The following TSC1 variants were observed in gnomAD, a reference collection of about 807,000 sequenced individuals.
The protein encoded by TSC1 is hamartin.
Under a neutral mutation model 124.3 loss-of-function variants are expected in TSC1, and 20 were observed. That is an observed-to-expected ratio of 0.16 (90% CI 0.11 to 0.23). The LOEUF (loss-of-function observed/expected upper bound fraction) is 0.23, where lower values mean the gene tolerates loss of function less well. TSC1 is among the 10% of genes least tolerant of loss of function. The pLI, the probability that TSC1 is intolerant of heterozygous loss-of-function variation, is 1.00. For synonymous variants in TSC1, 493 were observed against 539.1 expected (o/e 0.91, Z 1.19); for missense variants, 1,124 against 1,448.5 (o/e 0.78, Z 3.64).
At chr9:132,912,721 T>C in intron 8 of TSC1, 2 of 472,054 alleles carry the variant, frequency 4.2e-6, no homozygotes, top group Non-Finnish European at 7.7e-6. Flanking sequence ...AGGTGTAGCC[T>C]CAAAATGGAA....
In TSC1 at chr9:132,903,788, G is replaced by C. The variant is rs1554815343; in HGVS notation, c.2071C>G (p.Leu691Val). The C allele has an allele frequency of 1.2e-6, 2 of 1,614,036 alleles. No individual in the cohort carries two copies. The highest frequency in any genetic ancestry group is 1.1e-5 in the South Asian group (1 of 91,068). Reference sequence around the variant, plus strand: ...TGCAGTAAAAGCAACTGGTCTCGGAGGGTGCGGATCTCATCTGAAGGAGGA... The same window carrying C: ...TGCAGTAAAAGCAACTGGTCTCGGACGGTGCGGATCTCATCTGAAGGAGGA... ...GSPPSDEIRT[L>V]RDQLLLLHNQ... Residue 691 changes from leucine to valine, a missense_variant, in exon 17 of 23, where the codon CTC becomes GTC. Around this residue, in one of 5 missense-constraint regions of TSC1, gnomAD observed 321 missense variants for 397.4 expected, o/e 0.81. Coordinates refer to ENST00000298552, the MANE Select transcript of TSC1 (RefSeq NM_000368.5). The surrounding 1 kb of genome is among the most constrained non-coding windows in gnomAD (Gnocchi z 5.9).
At chr9:132,941,966 T>C (rs1847759718) in intron 1 of TSC1, 1 of 152,188 alleles carries the variant, frequency 6.6e-6, no homozygotes. Flanking sequence ...GCTATCTGAC[T>C]CTCTAGAAAA....
In TSC1 at chr9:132,902,559, C is replaced by G. The variant is rs2131726239; in HGVS notation, c.2391+46G>C. On this transcript the variant is annotated intron_variant, in intron 18 of 22. Coordinates refer to ENST00000298552, the MANE Select transcript of TSC1 (RefSeq NM_000368.5). This position sits in a 1 kb window ranked among gnomAD's most constrained non-coding sequence, Gnocchi z 5.2. Reference sequence around the variant, plus strand: ...ACTGACTGCCTCCCTCCCCACTGCTCTCCGGCATTCTCGCAGTTGGCTTTG... The same window carrying G: ...ACTGACTGCCTCCCTCCCCACTGCTGTCCGGCATTCTCGCAGTTGGCTTTG... 6.2e-7 allele frequency: 1 copy of G among 1,611,272 alleles called. No homozygotes were observed. The highest frequency in any genetic ancestry group is 8.5e-7 in the Non-Finnish European group (1 of 1,178,628).
intron 1 of TSC1, among the ~76,000 whole-genome samples, chr9:132,944,203 A>T (rs1588393067): frequency 1.3e-5 from 2 of 150,838 alleles, no homozygotes; most frequent in Non-Finnish European, 3.0e-5. Context: ...TGAACCTGTC[A>T]CCCCACCAAG....
rs777361506 is a variant in TSC1 at position 132,896,579 on chromosome 9, GT to G, written c.3150del (p.Lys1050AsnfsTer41). The G allele has an allele frequency of 6.2e-7, 1 of 1,614,042 alleles. No homozygotes were observed. The highest frequency in any genetic ancestry group is 8.5e-7 in the Non-Finnish European group (1 of 1,179,936). The stretch of plus-strand genomic sequence containing the variant: ...AATGGGCCTGCCCTCTGGTGTGGGG[GT>G]TTCTCTGGGGTAGAAAGCTCGCTGC... ...SSSSELSTPE[K>X]PPHQRAGPFS... On this transcript the variant is annotated frameshift_variant, in exon 23 of 23. Transcript: ENST00000298552. LOFTEE classifies it high-confidence loss of function. The surrounding 1 kb of genome is among the most constrained non-coding windows in gnomAD (Gnocchi z 4.5).
At position 132,896,030 on chromosome 9, in the gene TSC1, C is replaced by A; in HGVS notation, c.*205G>T. 1.5e-6 allele frequency: 1 copy of A among 679,750 alleles called. No homozygotes were observed. Among genetic ancestry groups the A allele is most frequent in the Admixed American group, 2.2e-5 (1 of 44,826 alleles). 42.1% of individuals were successfully genotyped at this position (679,750 alleles called of 1,614,324 possible). A position where few individuals can be genotyped will look rare whatever the true frequency, so the allele number is the denominator to read the frequency against. On this transcript the variant is annotated 3_prime_UTR_variant, in exon 23 of 23. Transcript: ENST00000298552. This position sits in a 1 kb window ranked among gnomAD's most constrained non-coding sequence, Gnocchi z 4.5. ...CGAGGTAAATGAGAGGGGGTTAGGG[C>A]GGGTGGAGGGGAAGGTCAAGAGGCA...
intron 12 of TSC1, among the ~76,000 whole-genome samples, chr9:132,909,056 C>A (rs1845814221): frequency 6.6e-6 from 1 of 151,978 alleles, no homozygotes; most frequent in African/African-American, 2.4e-5. Context: ...AGGTGCCTGC[C>A]ACCATACCCG....
At chr9:132,926,989 A>G in intron 4 of TSC1, 1 of 555,860 alleles carries the variant, frequency 1.8e-6, no homozygotes, top group South Asian at 1.9e-5. Context: ...GATCTTTAAC[A>G]GTCTCTGAAA....
chr9:132,906,203 GT>G lies in TSC1; in HGVS notation c.1439-65del. ...TATTCCACCTGGGAAAGACTAGGCA[GT>G]TTGGGTGGCATGCTGCCACATGCCA... is the stretch of plus-strand genomic sequence containing the variant. On this transcript the variant is annotated intron_variant, in intron 14 of 22. Coordinates refer to ENST00000298552, the MANE Select transcript of TSC1 (RefSeq NM_000368.5). The surrounding 1 kb of genome is among the most constrained non-coding windows in gnomAD (Gnocchi z 4.1). 3 of 1,550,902 alleles carry G rather than the reference GT, an allele frequency of 1.9e-6. No homozygotes were observed. Among genetic ancestry groups the G allele is most frequent in the Non-Finnish European group, 2.6e-6 (3 of 1,139,354 alleles).
upstream of TSC1, chr9:132,944,967 G>A (rs577674970): frequency 1.9e-3 from 383 of 196,604 alleles, 2 homozygotes; most frequent in African/African-American, 8.3e-3. Context: ...CTGGCGGGCG[G>A]GGGGACGCGG....
In TSC1 at chr9:132,891,858, G is replaced by GT; in HGVS notation, c.*4376dup. 1 of 233,648 alleles carries GT rather than the reference G, an allele frequency of 4.3e-6. No homozygotes were observed. The allele number at this position is 233,648 out of a possible 1,614,324, so 14.5% of individuals were successfully genotyped here. The stretch of plus-strand genomic sequence containing the variant: ...CACCATACCCTCCTGTCCAAACACT[G>GT]TAAGAGGTGGGGAAAGGGAGGGAAG... On this transcript the variant is annotated 3_prime_UTR_variant, in exon 23 of 23. Transcript: ENST00000298552.
Position 132,906,493 on chromosome 9 carries a change from G to A in TSC1, c.1438+238C>T, listed in dbSNP as rs2131856831. The A allele has an allele frequency of 3.7e-6, 2 of 534,142 alleles. No homozygotes were observed. Among genetic ancestry groups the A allele is most frequent in the Non-Finnish European group, 6.7e-6 (2 of 300,074 alleles). The allele number at this position is 534,142 out of a possible 1,614,324, so 33.1% of individuals were successfully genotyped here. A position where few individuals can be genotyped will look rare whatever the true frequency, so the allele number is the denominator to read the frequency against. On this transcript the variant is annotated intron_variant, in intron 14 of 22. Coordinates refer to ENST00000298552, the MANE Select transcript of TSC1 (RefSeq NM_000368.5). This position sits in a 1 kb window ranked among gnomAD's most constrained non-coding sequence, Gnocchi z 4.1. ...GAGCCTGGGAGGTCAAGGCTGCAGTGAGCCATGATCGTACCACTGCACTCC... is the reference window on the plus strand; with the variant it reads ...GAGCCTGGGAGGTCAAGGCTGCAGTAAGCCATGATCGTACCACTGCACTCC...
intron 1 of TSC1, among the ~76,000 whole-genome samples, chr9:132,939,718 G>C (rs1847640172): frequency 6.6e-6 from 1 of 152,216 alleles, no homozygotes; most frequent in Non-Finnish European, 1.5e-5. Flanking sequence ...CAAGCAAACT[G>C]TGAGATATCT....
chr9:132,907,410 T>C (rs369205745), intron 12 of TSC1, 40 bp from the exon 13 acceptor site: 10 of 1,500,744 alleles, frequency 6.7e-6, no homozygotes, highest in Non-Finnish European at 9.3e-6. Context: ...AGACGAAAAA[T>C]GTTGCACATG....
chr9:132,912,741 A>G (rs1198858626), intron 8 of TSC1: 2 of 433,810 alleles, frequency 4.6e-6, no homozygotes, highest in South Asian at 2.1e-5. Context: ...AAAATGAAAC[A>G]TAAGCTATGC....
At chr9:132,918,611 T>C (rs978095410) in intron 8 of TSC1, among the ~76,000 whole-genome samples, 3 of 152,182 alleles carry the variant, frequency 2.0e-5, no homozygotes, top group African/African-American at 7.2e-5. Flanking sequence ...AGCATATACA[T>C]TCTGAATGCC....
Position 132,912,325 on chromosome 9 carries a change from G to C in TSC1, c.870C>G (p.Ala290=), listed in dbSNP as rs779155575. 3 of 1,614,114 alleles carry C rather than the reference G, an allele frequency of 1.9e-6. 1 individual carries two copies. The highest frequency in any genetic ancestry group is 1.7e-5 in the Admixed American group (1 of 60,012). The change falls in exon 9 of 23, where the codon GCC becomes GCG. Residue 290 remains alanine (A), a synonymous_variant. Transcript: ENST00000298552. ...CAGCATAAGGGCTGGTGGTGACATCGGCTGAACGATGAGGAAAGCGGGCTG... is the reference window on the plus strand; with the variant it reads ...CAGCATAAGGGCTGGTGGTGACATCCGCTGAACGATGAGGAAAGCGGGCTG... The part of the protein sequence containing the change: ...QISARFPHRS[A]DVTTSPYADT...
intron 8 of TSC1, among the ~76,000 whole-genome samples, chr9:132,918,485 T>G (rs1804952495): frequency 6.6e-6 from 1 of 152,188 alleles, no homozygotes; most frequent in South Asian, 2.1e-4. Flanking sequence ...AACAGCTCTT[T>G]TCTCACCAGA....
At chr9:132,918,821 C>A (rs547871343) in intron 8 of TSC1, among the ~76,000 whole-genome samples, 2 of 152,300 alleles carry the variant, frequency 1.3e-5, no homozygotes, top group East Asian at 3.9e-4. Flanking sequence ...CCACTGTGAA[C>A]AAAGCTGTTT....
Sources: allele counts gnomAD v4.1 joint callset (sites outside exome capture counted in the v4.1 genomes callset), GRCh38; gene constraint gnomAD v4.1.1; regional missense constraint gnomAD v4.1.1; non-coding constraint Gnocchi (gnomAD v3.1); transcripts MANE v1.5; gene names NCBI Gene and HGNC (gene_info 2026-07-23, HGNC 2026-07-21).